Variants in SKAP1 observed in about 807,000 individuals in gnomAD.
SKAP1 encodes the protein src kinase associated phosphoprotein 1, also known as src kinase-associated phosphoprotein 1.
Under a neutral mutation model 58.5 loss-of-function variants are expected in SKAP1, and 44 were observed. That is an observed-to-expected ratio of 0.75 (90% CI 0.59 to 0.97). The LOEUF (loss-of-function observed/expected upper bound fraction) is 0.97, where lower values mean the gene tolerates loss of function less well. SKAP1 is among the 50% of genes least tolerant of loss of function. SKAP1 has a pLI of 0.00. For synonymous variants in SKAP1, 127 were observed against 149.7 expected (o/e 0.85, Z 1.11); for missense variants, 390 against 435.2 (o/e 0.90, Z 0.92).
At chr17:48,276,171 A>C (rs572471018) in intron 4 of SKAP1, among the ~76,000 whole-genome samples, 19 of 152,306 alleles carry the variant, frequency 1.2e-4, no homozygotes, top group South Asian at 4.1e-4. Flanking sequence ...CTACCCCCCC[A>C]GCCACTCTCT....
chr17:48,309,457 C>T (rs555257897), intron 4 of SKAP1, among the ~76,000 whole-genome samples: 1 of 152,184 alleles, frequency 6.6e-6, no homozygotes, highest in East Asian at 1.9e-4. Context: ...AAATAATATC[C>T]TTAACTTAAG....
At chr17:48,137,415 G>T in intron 11 of SKAP1, 78 bp from the exon 12 acceptor site, 2 of 955,060 alleles carry the variant, frequency 2.1e-6, no homozygotes, top group South Asian at 2.8e-5. Context: ...TTGCATGGGA[G>T]ATTCTGTTTG....
chr17:48,262,991 CAG>C (rs2065501000), intron 4 of SKAP1, among the ~76,000 whole-genome samples: 1 of 152,238 alleles, frequency 6.6e-6, no homozygotes, highest in Admixed American at 6.5e-5. Context: ...CATTTCAAAA[CAG>C]TATTTCATGT....
intron 11 of SKAP1, among the ~76,000 whole-genome samples, chr17:48,159,659 C>A (rs1373742547): frequency 6.6e-6 from 1 of 152,162 alleles, no homozygotes; most frequent in African/African-American, 2.4e-5. Context: ...AGATGAGGCA[C>A]TACTGAACTT....
chr17:48,345,954 G>A lies in SKAP1; in HGVS notation c.231C>T (p.Gly77=). The A allele has an allele frequency of 1.2e-6, 2 of 1,613,650 alleles. No homozygotes were observed. The highest frequency in any genetic ancestry group is 1.7e-6 in the Non-Finnish European group (2 of 1,179,742). ...SSDDNHSGTL[G]LSLTSDAPFL... ...AGGGTGCATCGGATGTGAGGGACAG[G>A]CCAAGAGTCCCGCTGTGATTATCAT... Residue 77 remains glycine, a synonymous_variant, in exon 4 of 13, where the codon GGC becomes GGT. Coordinates refer to ENST00000336915, the MANE Select transcript of SKAP1 (RefSeq NM_003726.4).
At chr17:48,230,682 G>A (rs2065116251) in intron 4 of SKAP1, among the ~76,000 whole-genome samples, 1 of 152,134 alleles carries the variant, frequency 6.6e-6, no homozygotes, top group Non-Finnish European at 1.5e-5. Context: ...CCTGAGCCTG[G>A]GGAGATAGAG....
chr17:48,188,706 G>GA lies in SKAP1; in HGVS notation c.358+716dup, dbSNP rs532374139. On this transcript the variant is annotated intron_variant, in intron 5 of 12. Transcript: ENST00000336915. ...ATCTTAAAACAAAAAAAGAAAGAAA[G>GA]AAAAAAAAAAGGCCGGGTGTGGTGG... Among the ~76,000 whole-genome samples, 230 of 143,526 alleles carry GA rather than the reference G, an allele frequency of 1.6e-3. 2 individuals are homozygous for GA. The highest frequency in any genetic ancestry group is 2.8e-3 in the Non-Finnish European group (182 of 65,440). 94.2% of individuals were successfully genotyped at this position (143,526 alleles called of 152,430 possible). A position where few individuals can be genotyped will look rare whatever the true frequency, so the allele number is the denominator to read the frequency against.
intron 4 of SKAP1, among the ~76,000 whole-genome samples, chr17:48,239,854 G>C (rs924636466): frequency 1.1e-4 from 17 of 150,162 alleles, no homozygotes; most frequent in Admixed American, 4.0e-4. Context: ...GAGAGACAGA[G>C]AGAGAGAGAG....
intron 4 of SKAP1, among the ~76,000 whole-genome samples, chr17:48,292,654 C>G (rs761013899): frequency 6.6e-6 from 1 of 152,190 alleles, no homozygotes; most frequent in Non-Finnish European, 1.5e-5. Flanking sequence ...GACTTTGAAC[C>G]TGTTCATAAA....
intron 5 of SKAP1, among the ~76,000 whole-genome samples, chr17:48,188,179 C>T (rs1266217262): frequency 2.0e-5 from 3 of 152,164 alleles, no homozygotes; most frequent in Non-Finnish European, 4.4e-5. Context: ...TATCTAGACT[C>T]CTTTATATCT....
Position 48,401,324 on chromosome 17 carries a change from G to A in SKAP1, c.47-4539C>T, listed in dbSNP as rs2067496915. 1.3e-5 allele frequency among the ~76,000 whole-genome samples: 2 copies of A among 151,478 alleles called. 1 individual carries two copies. Among genetic ancestry groups the A allele is most frequent in the South Asian group, 4.2e-4 (2 of 4,796 alleles). The stretch of plus-strand genomic sequence containing the variant: ...CTGTCTCAAAAAAGAAAAAAAAAAG[G>A]AAAGAAAAAGAAAGACAAATTTGGA... On this transcript the variant is annotated intron_variant, in intron 1 of 12. Transcript: ENST00000336915.
At chr17:48,156,522 A>G in intron 11 of SKAP1, 1 of 523,564 alleles carries the variant, frequency 1.9e-6, no homozygotes. Context: ...AGGGAAGTTT[A>G]GTCCCTCACC....
At chr17:48,153,642 C>G (rs1292092151) in intron 11 of SKAP1, among the ~76,000 whole-genome samples, 1 of 152,064 alleles carries the variant, frequency 6.6e-6, no homozygotes, top group Non-Finnish European at 1.5e-5. Flanking sequence ...GCCATAGGAT[C>G]CCCTCACCCA....
chr17:48,229,847 T>C (rs1450491497), intron 4 of SKAP1, among the ~76,000 whole-genome samples: 1 of 152,152 alleles, frequency 6.6e-6, no homozygotes, highest in Non-Finnish European at 1.5e-5. Flanking sequence ...CTCTTTCACC[T>C]CTGGGCTATT....
intron 12 of SKAP1, among the ~76,000 whole-genome samples, chr17:48,134,405 G>C (rs375860707): frequency 1.3e-5 from 2 of 152,014 alleles, no homozygotes; most frequent in Non-Finnish European, 2.9e-5. Flanking sequence ...TGCAACCTCC[G>C]CCTCGTGGAT....
chr17:48,377,873 T>C (rs1252137540), intron 2 of SKAP1, among the ~76,000 whole-genome samples: 2 of 152,144 alleles, frequency 1.3e-5, no homozygotes, highest in African/African-American at 4.8e-5. Context: ...CATTAAAACA[T>C]TCAAAAGCAG....
chr17:48,404,232 C>A (rs1373175064), intron 1 of SKAP1, among the ~76,000 whole-genome samples: 3 of 152,028 alleles, frequency 2.0e-5, no homozygotes, highest in Non-Finnish European at 4.4e-5. Context: ...GCGGGCGGAT[C>A]ACCTGAGGTT....
intron 4 of SKAP1, among the ~76,000 whole-genome samples, chr17:48,261,821 G>A (rs1177783595): frequency 6.9e-6 from 1 of 144,614 alleles, no homozygotes; most frequent in Non-Finnish European, 1.5e-5. Flanking sequence ...TTTATGGTGG[G>A]GGAAAAAACC....
intron 3 of SKAP1, among the ~76,000 whole-genome samples, chr17:48,351,996 T>C (rs1332938024): frequency 6.6e-6 from 1 of 151,900 alleles, no homozygotes; most frequent in Non-Finnish European, 1.5e-5. Context: ...GTAATGCAGT[T>C]TTTAATTTTG....
Sources: gnomAD v4.1 joint callset for allele counts (sites outside exome capture counted in the v4.1 genomes callset) on GRCh38, gnomAD v4.1.1 for gene constraint, MANE v1.5 for transcripts, NCBI Gene and HGNC (gene_info 2026-07-23, HGNC 2026-07-21) for gene names.